Variants in ESRRG observed in about 807,000 individuals in gnomAD.
ESRRG encodes estrogen related receptor gamma.
A neutral mutation model predicts 44.0 loss-of-function variants in ESRRG; 13 were observed. The observed-to-expected ratio is 0.30, with a 90% CI of 0.19 to 0.47. ESRRG has a LOEUF of 0.47. Ranked by LOEUF, ESRRG falls within the 20% of genes least tolerant of loss-of-function variation. ESRRG has a pLI of 1.00. For synonymous variants in ESRRG, 215 were observed against 214.6 expected (o/e 1.00, Z -0.02); for missense variants, 395 against 580.6 (o/e 0.68, Z 3.29).
intron 2 of ESRRG, among the ~76,000 whole-genome samples, chr1:216,877,714 G>T (rs1016660919): frequency 6.6e-6 from 1 of 151,946 alleles, no homozygotes; most frequent in South Asian, 2.1e-4. Context: ...AGATCACCGC[G>T]CCCGGCCTAT....
intron 2 of ESRRG, among the ~76,000 whole-genome samples, chr1:216,891,095 ACT>A (rs2057731478): frequency 6.6e-6 from 1 of 151,688 alleles, no homozygotes; most frequent in Admixed American, 6.6e-5. Context: ...CTGGCCGGAA[ACT>A]CTGTTGTTGC....
At chr1:217,002,747 A>C (rs1362023703) in intron 1 of ESRRG, among the ~76,000 whole-genome samples, 1 of 152,110 alleles carries the variant, frequency 6.6e-6, no homozygotes, top group Non-Finnish European at 1.5e-5. Flanking sequence ...GGACACATGG[A>C]GAGGAACCAA....
At chr1:216,867,186 A>T (rs752536124) in intron 2 of ESRRG, among the ~76,000 whole-genome samples, 1 of 152,222 alleles carries the variant, frequency 6.6e-6, no homozygotes, top group Non-Finnish European at 1.5e-5. Context: ...ACTGAGGCAC[A>T]GAACAAAATC....
chr1:217,067,613 G>T (rs1288868880), intron 1 of ESRRG, among the ~76,000 whole-genome samples: 1 of 152,116 alleles, frequency 6.6e-6, no homozygotes, highest in African/African-American at 2.4e-5. Flanking sequence ...GGAATCTATG[G>T]TCAAATGCTG....
intron 1 of ESRRG, among the ~76,000 whole-genome samples, chr1:217,104,409 G>C (rs772387293): frequency 5.9e-5 from 9 of 152,166 alleles, no homozygotes; most frequent in Non-Finnish European, 1.2e-4. Context: ...CATGAAGCCT[G>C]GATTCAGAAA....
intron 2 of ESRRG, among the ~76,000 whole-genome samples, chr1:216,892,821 C>G (rs1361185893): frequency 6.6e-6 from 1 of 152,090 alleles, no homozygotes; most frequent in Non-Finnish European, 1.5e-5. Flanking sequence ...TCTCCACCAC[C>G]CGCCCTGCTT....
chr1:216,714,593 T>G (rs1222861227), intron 1 of ESRRG: 6 of 975,046 alleles, frequency 6.2e-6, no homozygotes, highest in Non-Finnish European at 7.3e-6. Context: ...TTTCCAATCA[T>G]TAAAACCCTC....
chr1:217,133,422 G>A (rs1558297718), intron 1 of ESRRG, among the ~76,000 whole-genome samples: 1 of 152,356 alleles, frequency 6.6e-6, no homozygotes. Context: ...GGGAGCCCAC[G>A]CTCGGGCCTT....
intron 2 of ESRRG, among the ~76,000 whole-genome samples, chr1:216,655,567 C>T (rs751849358): frequency 6.6e-6 from 1 of 152,128 alleles, no homozygotes; most frequent in African/African-American, 2.4e-5. Context: ...ATCAGTGGTC[C>T]TAGCATCTTC....
chr1:216,867,505 TAAC>T (rs2096186427), intron 2 of ESRRG, among the ~76,000 whole-genome samples: 2 of 152,162 alleles, frequency 1.3e-5, no homozygotes, highest in African/African-American at 2.4e-5. Flanking sequence ...CTACTTAAGA[TAAC>T]ATATCTTTGT....
At chr1:216,969,443 TA>T (rs1319992128) in intron 1 of ESRRG, among the ~76,000 whole-genome samples, 2 of 152,082 alleles carry the variant, frequency 1.3e-5, no homozygotes, top group Non-Finnish European at 2.9e-5. Context: ...AAAAAATAGG[TA>T]AACCTATTTT....
intron 1 of ESRRG, among the ~76,000 whole-genome samples, chr1:216,954,075 T>C (rs774700877): frequency 6.6e-6 from 1 of 152,094 alleles, no homozygotes; most frequent in African/African-American, 2.4e-5. Flanking sequence ...AAGATAAATA[T>C]CTCTAAAACA....
At chr1:217,109,334 G>A (rs2092635115) in intron 1 of ESRRG, among the ~76,000 whole-genome samples, 2 of 152,176 alleles carry the variant, frequency 1.3e-5, no homozygotes, top group African/African-American at 4.8e-5. Flanking sequence ...ACACAAAAGA[G>A]ATGGACTACA....
chr1:216,602,866 C>T (rs2059429324), intron 3 of ESRRG, among the ~76,000 whole-genome samples: 1 of 152,162 alleles, frequency 6.6e-6, no homozygotes, highest in South Asian at 2.1e-4. Flanking sequence ...GATCAATAAT[C>T]TGACATTGTT....
intron 3 of ESRRG, among the ~76,000 whole-genome samples, chr1:216,590,128 C>T (rs2057406975): frequency 6.6e-6 from 1 of 151,802 alleles, no homozygotes; most frequent in Admixed American, 6.6e-5. Flanking sequence ...TATTCAATAT[C>T]ACAGATCCTT....
chr1:216,702,528 C>T (rs1353419163), intron 1 of ESRRG, among the ~76,000 whole-genome samples: 1 of 150,044 alleles, frequency 6.7e-6, no homozygotes, highest in Non-Finnish European at 1.5e-5. Flanking sequence ...TTTGGGAGGC[C>T]GAGATGGGTG....
At chr1:216,980,171 A>G (rs1354042410) in intron 1 of ESRRG, among the ~76,000 whole-genome samples, 3 of 152,172 alleles carry the variant, frequency 2.0e-5, no homozygotes, top group African/African-American at 7.2e-5. Context: ...GAATTTGTGT[A>G]GCATTAATGC....
At chr1:216,889,493 C>T (rs1396143208) in intron 2 of ESRRG, among the ~76,000 whole-genome samples, 1 of 152,058 alleles carries the variant, frequency 6.6e-6, no homozygotes, top group Non-Finnish European at 1.5e-5. Flanking sequence ...AGCAAAAATC[C>T]CCCCAGTGAA....
At chr1:216,577,294 T>C (rs774123620) in intron 3 of ESRRG, among the ~76,000 whole-genome samples, 16 of 152,038 alleles carry the variant, frequency 1.1e-4, no homozygotes, top group Admixed American at 3.3e-4. Flanking sequence ...AAAAATTTCC[T>C]AAACTATTGA....
Sources: gnomAD v4.1 joint callset for allele counts (sites outside exome capture counted in the v4.1 genomes callset) on GRCh38, gnomAD v4.1.1 for gene constraint, MANE v1.5 for transcripts, NCBI Gene and HGNC (gene_info 2026-07-23, HGNC 2026-07-21) for gene names.